The following AEBP2 variants were observed in gnomAD, a reference collection of about 807,000 sequenced individuals.
The protein encoded by AEBP2 is zinc finger protein AEBP2.
A neutral mutation model predicts 50.8 loss-of-function variants in AEBP2; 10 were observed. The ratio of observed to expected loss-of-function variants is 0.20; its 90% confidence interval spans 0.12 to 0.33. The LOEUF is 0.33. AEBP2 is among the 10% of genes least tolerant of loss of function. The probability of loss-of-function intolerance (pLI) is 1.00; values close to 1 mark genes in which losing one functional copy is unlikely to be tolerated. For synonymous variants in AEBP2, 296 were observed against 261.3 expected (o/e 1.13, Z -1.28); for missense variants, 570 against 688.0 (o/e 0.83, Z 1.92).
intron 1 of AEBP2, among the ~76,000 whole-genome samples, chr12:19,410,338 G>T (rs1373169885): frequency 1.3e-5 from 2 of 152,132 alleles, no homozygotes; most frequent in Non-Finnish European, 2.9e-5. Context: ...TTCCCTTCAA[G>T]GGAAGCTGGA....
intron 1 of AEBP2, among the ~76,000 whole-genome samples, chr12:19,408,863 A>G (rs538691257): frequency 2.0e-5 from 3 of 152,078 alleles, no homozygotes; most frequent in African/African-American, 4.8e-5. Context: ...AGATCTCGCT[A>G]CTGCACTCCA....
chr12:19,469,758 A>G lies in AEBP2; in HGVS notation c.880-3490A>G, dbSNP rs368935259. On this transcript the variant is annotated intron_variant, in intron 2 of 7. Transcript: ENST00000266508. ...CACTGTGCTCAGCAGGTTGTTTTCT[A>G]TTTCTGTTATGTCTGATACAACCTA... Among the ~76,000 whole-genome samples the G allele has an allele frequency of 9.9e-5, 15 of 152,170 alleles. No individual in the cohort carries two copies. The East Asian group carries it at 1.5e-3, about 16-fold the overall frequency.
chr12:19,518,738 C>G lies in AEBP2; in HGVS notation c.*621C>G, dbSNP rs775016451. 11 of 1,482,868 alleles carry G rather than the reference C, an allele frequency of 7.4e-6. 1 individual carries two copies. In the South Asian group the frequency reaches 1.2e-4, roughly 16 times the overall value. The allele number at this position is 1,482,868 out of a possible 1,614,324, so 91.9% of individuals were successfully genotyped here. ...AACAGTGAACGACGTTTGCAATCAA[C>G]TAAAAATTCGTCTATCGAATTAGGG... is the stretch of plus-strand genomic sequence containing the variant. On this transcript the variant is annotated 3_prime_UTR_variant, in exon 8 of 8. Transcript: ENST00000266508.
chr12:19,512,541 T>G, intron 6 of AEBP2, 76 bp downstream of exon 6: 1 of 944,126 alleles, frequency 1.1e-6, no homozygotes, highest in Non-Finnish European at 1.6e-6. Flanking sequence ...ACAAAAATTA[T>G]TTATTAAATT....
intron 1 of AEBP2, among the ~76,000 whole-genome samples, chr12:19,408,051 C>CA (rs111495452): frequency 0.5 from 69,107 of 137,988 alleles, 16,915 homozygotes; most frequent in Non-Finnish European, 0.58. Context: ...AACTCTGTCT[C>CA]AAAAAAAAAA....
chr12:19,452,714 A>G (rs1826395608), intron 1 of AEBP2, among the ~76,000 whole-genome samples: 1 of 152,130 alleles, frequency 6.6e-6, no homozygotes, highest in Non-Finnish European at 1.5e-5. Flanking sequence ...CTTAAGATAT[A>G]GGGGATTCTT....
chr12:19,414,090 C>T lies in AEBP2; in HGVS notation c.-17+9874C>T, dbSNP rs990736489. ...TGTATTTTTAGTAGAGATGTGGTTT[C>T]ACCATGTTTGCCAGGCTGATCTTGA... On this transcript the variant is annotated intron_variant, in intron 1 of 3. Transcript: ENST00000538425. Among the ~76,000 whole-genome samples the T allele has an allele frequency of 7.4e-4, 112 of 152,100 alleles. 1 individual carries two copies. Among genetic ancestry groups the T allele is most frequent in the African/African-American group, 2.1e-3 (88 of 41,526 alleles).
chr12:19,479,783 T>C (rs1948701517), intron 3 of AEBP2, among the ~76,000 whole-genome samples: 1 of 142,992 alleles, frequency 7.0e-6, no homozygotes, highest in Non-Finnish European at 1.5e-5. Context: ...ATATTTGATA[T>C]AATAATAGCT....
In AEBP2 at chr12:19,520,349, A is replaced by C. The variant is rs1416447221; in HGVS notation, c.*2232A>C. ...ATTGTGTAGAAATACTTAGATGTCA[A>C]AACCAGATTTCGTGATCCTTGATTA... On this transcript the variant is annotated 3_prime_UTR_variant, in exon 8 of 8. Transcript: ENST00000266508. 1 of 152,330 alleles carries C rather than the reference A, an allele frequency of 6.6e-6. No homozygotes were observed. The highest frequency in any genetic ancestry group is 1.9e-4 in the East Asian group (1 of 5,190). The allele number at this position is 152,330 out of a possible 1,614,324, so 9.4% of individuals were successfully genotyped here. A position where few individuals can be genotyped will look rare whatever the true frequency, so the allele number is the denominator to read the frequency against.
intron 1 of AEBP2, among the ~76,000 whole-genome samples, chr12:19,433,641 G>C (rs1415573478): frequency 6.6e-6 from 1 of 151,606 alleles, no homozygotes; most frequent in Non-Finnish European, 1.5e-5. Context: ...TTAGCTGGGC[G>C]TGATGGCAGG....
At chr12:19,433,979 C>G (rs1237453719) in intron 1 of AEBP2, among the ~76,000 whole-genome samples, 1 of 151,202 alleles carries the variant, frequency 6.6e-6, no homozygotes, top group Admixed American at 6.6e-5. Context: ...CCCTAGTAGC[C>G]GGGACTACAG....
intron 3 of AEBP2, among the ~76,000 whole-genome samples, chr12:19,487,917 A>G (rs1413515714): frequency 1.3e-5 from 2 of 152,084 alleles, no homozygotes; most frequent in African/African-American, 2.4e-5. Context: ...TTGAGATCTC[A>G]TGTTTGTTTT....
Position 19,509,793 on chromosome 12 carries a change from C to T in AEBP2, c.1300-2605C>T, listed in dbSNP as rs538118162. Among the ~76,000 whole-genome samples the T allele has an allele frequency of 2.4e-4, 33 of 137,988 alleles. No homozygotes were observed. In the South Asian group the frequency reaches 7.6e-3, roughly 32 times the overall value. 90.5% of individuals were successfully genotyped at this position (137,988 alleles called of 152,430 possible). On this transcript the variant is annotated intron_variant, in intron 5 of 7. Coordinates refer to ENST00000266508, the MANE Select transcript of AEBP2 (RefSeq NM_153207.5). ...AGGGTTGTTGAAAAACCTTTTACTT[C>T]GATAATATTAGTAACATGGCTACTT...
chr12:19,493,768 CCTGACGTTATTT>C lies in AEBP2; in HGVS notation c.988-28_988-17del. 1 of 1,601,870 alleles carries C rather than the reference CCTGACGTTATTT, an allele frequency of 6.2e-7. No individual in the cohort carries two copies. The highest frequency in any genetic ancestry group is 2.2e-5 in the East Asian group (1 of 44,718). The stretch of plus-strand genomic sequence containing the variant: ...TTCTTCTCGTGCCCTACACAGCATG[CCTGACGTTATTT>C]CTGTTTTATTTTCTTTTAGTGTGTT... On this transcript the variant is annotated intron_variant, in intron 3 of 7. Transcript: ENST00000266508.
chr12:19,492,111 A>G (rs1308163443), intron 3 of AEBP2, among the ~76,000 whole-genome samples: 2 of 152,194 alleles, frequency 1.3e-5, no homozygotes, highest in South Asian at 2.1e-4. Context: ...CAAGATGAAT[A>G]TATTTGGTTT....
intron 1 of AEBP2, among the ~76,000 whole-genome samples, chr12:19,445,370 CTTTTTTT>C (rs55898072): frequency 9.6e-5 from 13 of 135,614 alleles, no homozygotes; most frequent in Non-Finnish European, 1.3e-4. Flanking sequence ...TGCTCGTTTT[CTTTTTTT>C]TTTTTTTTTT....
At chr12:19,467,656 C>T (rs191247765) in intron 2 of AEBP2, among the ~76,000 whole-genome samples, 60 of 152,226 alleles carry the variant, frequency 3.9e-4, no homozygotes, top group African/African-American at 1.3e-3. Context: ...TCTTACTAAT[C>T]GAATTTCAAA....
intron 5 of AEBP2, among the ~76,000 whole-genome samples, chr12:19,504,655 G>A (rs1055309199): frequency 6.6e-6 from 1 of 152,128 alleles, no homozygotes; most frequent in Non-Finnish European, 1.5e-5. Context: ...ATACTACAGG[G>A]AAGATAGATC....
chr12:19,466,092 G>C (rs1247792638), intron 2 of AEBP2, among the ~76,000 whole-genome samples: 2 of 152,028 alleles, frequency 1.3e-5, no homozygotes, highest in Non-Finnish European at 2.9e-5. Context: ...ACAGGCCTCT[G>C]AGCCACCATG....
Sources: allele counts gnomAD v4.1 joint callset (sites outside exome capture counted in the v4.1 genomes callset), GRCh38; gene constraint gnomAD v4.1.1; transcripts MANE v1.5; gene names NCBI Gene and HGNC (gene_info 2026-07-23, HGNC 2026-07-21).